The following HELZ variants were observed in gnomAD, a reference collection of about 807,000 sequenced individuals.
The protein encoded by HELZ is ATP-dependent RNA helicase with zinc finger domain.
HELZ carries 23 observed loss-of-function variants against 218.2 expected under a neutral mutation model. That is an observed-to-expected ratio of 0.11 (90% CI 0.08 to 0.15). The LOEUF is 0.15. HELZ is among the 10% of genes least tolerant of loss of function. HELZ has a pLI of 1.00. For missense variants in HELZ, 1,813 were observed against 2,353.7 expected (o/e 0.77, Z 4.75); for synonymous variants, 814 against 829.4 (o/e 0.98, Z 0.32).
intron 17 of HELZ, among the ~76,000 whole-genome samples, chr17:67,155,952 CAT>C (rs1169220055): frequency 6.1e-5 from 9 of 148,604 alleles, no homozygotes; most frequent in Admixed American, 5.4e-4. Flanking sequence ...CATATATACA[CAT>C]ATAATTTTTA....
At position 67,078,491 on chromosome 17, in the gene HELZ, C is replaced by T; in HGVS notation, c.5590G>A (p.Gly1864Ser). 1.3e-6 allele frequency: 2 copies of T among 1,568,522 alleles called. No individual in the cohort carries two copies. Among genetic ancestry groups the T allele is most frequent in the South Asian group, 2.4e-5 (2 of 83,304 alleles). ...SFNYSVLQHL[G>S]QFPPLMPNKQ... ...TTAGGCATAAGGGGTGGAAACTGGC[C>T]AAGATGCTGCAGCACACTGTAGTTG... Residue 1864 changes from glycine to serine, a missense_variant, in exon 33 of 33, where the codon GGC (glycine) becomes AGC (serine). Gly to Ser is a moderately conservative substitution (Grantham distance 56). This residue lies in a region of HELZ where 938 missense variants were observed against 1,027.5 expected (regional missense o/e 0.91). Transcript: ENST00000358691.
intron 31 of HELZ, among the ~76,000 whole-genome samples, chr17:67,092,889 C>T (rs976672916): frequency 1.8e-4 from 19 of 106,686 alleles, no homozygotes; most frequent in African/African-American, 2.2e-4. Context: ...TGCTTGAAAC[C>T]GGCGGGGGGG....
chr17:67,110,673 G>A (rs1467138807), intron 28 of HELZ, among the ~76,000 whole-genome samples: 11 of 152,068 alleles, frequency 7.2e-5, no homozygotes, highest in Non-Finnish European at 1.0e-4. Context: ...TGCCATTTCC[G>A]GCTCACCAGG....
Position 67,121,060 on chromosome 17 carries a change from T to C in HELZ, c.3631-448A>G, listed in dbSNP as rs190118787. Among the ~76,000 whole-genome samples, 19 of 152,282 alleles carry C rather than the reference T, an allele frequency of 1.2e-4. No individual in the cohort carries two copies. The East Asian group carries it at 3.5e-3, about 28-fold the overall frequency. On this transcript the variant is annotated intron_variant, in intron 26 of 32. Coordinates refer to ENST00000358691, the MANE Select transcript of HELZ (RefSeq NM_014877.4). ...AGAACTTAGCCTAAGGAGTCTCAACTCAAAAAACTGGTATTCCAACTTAAT... is the reference window on the plus strand; with the variant it reads ...AGAACTTAGCCTAAGGAGTCTCAACCCAAAAAACTGGTATTCCAACTTAAT...
intron 28 of HELZ, among the ~76,000 whole-genome samples, chr17:67,113,821 T>C (rs2037353227): frequency 6.6e-6 from 1 of 152,202 alleles, no homozygotes; most frequent in South Asian, 2.1e-4. Flanking sequence ...CCATTCAAAT[T>C]AGAAAACAAG....
intron 5 of HELZ, among the ~76,000 whole-genome samples, chr17:67,207,075 G>C (rs1197038512): frequency 6.6e-6 from 1 of 150,376 alleles, no homozygotes; most frequent in Non-Finnish European, 1.5e-5. Context: ...ACCACCCATG[G>C]TTAATTTTGT....
Position 67,211,355 on chromosome 17 carries a change from G to A in HELZ, c.247+4544C>T, listed in dbSNP as rs374329471. The stretch of plus-strand genomic sequence containing the variant: ...ATTCTATTATGCTAATAATAATATT[G>A]TGGTTATGCAGTCTTGATCTTATTT... On this transcript the variant is annotated intron_variant, in intron 5 of 32. Transcript: ENST00000358691. Among the ~76,000 whole-genome samples the A allele has an allele frequency of 2.4e-4, 36 of 152,228 alleles. No homozygotes were observed. In the South Asian group the frequency reaches 7.5e-3, roughly 32 times the overall value.
intron 13 of HELZ, among the ~76,000 whole-genome samples, 165 bp from the exon 14 acceptor site, chr17:67,167,961 G>T (rs567583162): frequency 6.6e-6 from 1 of 151,464 alleles, no homozygotes; most frequent in South Asian, 2.1e-4. Context: ...TTTAATACAA[G>T]CTGGAAACAA....
chr17:67,143,750 C>T lies in HELZ; in HGVS notation c.2769+1993G>A, dbSNP rs113081154. On this transcript the variant is annotated intron_variant, in intron 21 of 32. Transcript: ENST00000358691. ...ATCAAGAAAAAAAAGAATGATCTTT[C>T]TCAGTCTCCTTCTACAATTTTAAGC... Among the ~76,000 whole-genome samples, 343 of 152,092 alleles carry T rather than the reference C, an allele frequency of 2.3e-3. 1 individual carries two copies. The highest frequency in any genetic ancestry group is 3.9e-3 in the Non-Finnish European group (264 of 67,974).
At chr17:67,138,985 A>G (rs2038237136) in intron 21 of HELZ, among the ~76,000 whole-genome samples, 1 of 152,186 alleles carries the variant, frequency 6.6e-6, no homozygotes, top group Non-Finnish European at 1.5e-5. Context: ...ATATAAGGCA[A>G]GCACAAATAG....
intron 3 of HELZ, among the ~76,000 whole-genome samples, chr17:67,225,786 C>T (rs141349673): frequency 6.6e-6 from 1 of 152,128 alleles, no homozygotes; most frequent in Non-Finnish European, 1.5e-5. Flanking sequence ...AAAACAGAAA[C>T]TTGTTCTAAA....
At chr17:67,208,233 A>T (rs9904316) in intron 5 of HELZ, among the ~76,000 whole-genome samples, 5,931 of 152,216 alleles carry the variant, frequency 0.039, 399 homozygotes, top group African/African-American at 0.13. Flanking sequence ...AGAAACAACA[A>T]AAAAAGAAGT....
In HELZ at chr17:67,160,298, A is replaced by C. The variant is rs2038960058; in HGVS notation, c.2140T>G (p.Tyr714Asp). The C allele has an allele frequency of 6.2e-7, 1 of 1,612,360 alleles. No homozygotes were observed. Among genetic ancestry groups the C allele is most frequent in the African/African-American group, 1.3e-5 (1 of 74,894 alleles). ...GCCTGGGGATTGCCTGCTTCTACATATGGATGTAAATAATCCTTTATGTAG... is the reference window on the plus strand; with the variant it reads ...GCCTGGGGATTGCCTGCTTCTACATCTGGATGTAAATAATCCTTTATGTAG... ...DLYIKDYLHPYVEAGNPQARP... is the reference protein window; with the variant it reads ...DLYIKDYLHPDVEAGNPQARP... The change falls in exon 17 of 33, where the codon TAT becomes GAT. Residue 714 changes from tyrosine (Y) to aspartate (D), a missense_variant. Transcript: ENST00000358691.
intron 12 of HELZ, among the ~76,000 whole-genome samples, chr17:67,186,015 G>A (rs1271893280): frequency 6.6e-6 from 1 of 152,054 alleles, no homozygotes; most frequent in African/African-American, 2.4e-5. Context: ...AATCATCTTG[G>A]AAAACTACGC....
intron 7 of HELZ, among the ~76,000 whole-genome samples, chr17:67,198,364 G>C (rs911824265): frequency 2.6e-5 from 4 of 152,186 alleles, no homozygotes; most frequent in Admixed American, 2.0e-4. Context: ...GGGATCTGGG[G>C]AGCAGCACAT....
rs916132718 is a variant in HELZ at position 67,070,797 on chromosome 17, G to C, written c.*7455C>G. On this transcript the variant is annotated 3_prime_UTR_variant, in exon 33 of 33. Transcript: ENST00000358691. ...AAAGAAAAAAAATTGTTATAATTTT[G>C]CCATAAGTTATGCCTATTTAGATGG... 1.1e-4 allele frequency: 16 copies of C among 152,148 alleles called. No individual in the cohort carries two copies. Among genetic ancestry groups the C allele is most frequent in the Middle Eastern group, 3.4e-3 (1 of 292 alleles). The allele number at this position is 152,148 out of a possible 1,614,324, so 9.4% of individuals were successfully genotyped here.
Position 67,134,977 on chromosome 17 carries a change from CT to C in HELZ, c.3182+992del, listed in dbSNP as rs766283800. On this transcript the variant is annotated intron_variant, in intron 23 of 32. Coordinates refer to ENST00000358691, the MANE Select transcript of HELZ (RefSeq NM_014877.4). Reference sequence around the variant, plus strand: ...AATATTATAAATAACTGTTCGACTGCTTTTTTTTTTTTTAATGCTAGCACAG... The same window carrying C: ...AATATTATAAATAACTGTTCGACTGCTTTTTTTTTTTTAATGCTAGCACAG... Among the ~76,000 whole-genome samples the C allele has an allele frequency of 5.2e-3, 728 of 140,364 alleles. 1 individual carries two copies. Among genetic ancestry groups the C allele is most frequent in the African/African-American group, 6.1e-3 (236 of 38,516 alleles). The allele number at this position is 140,364 out of a possible 152,430, so 92.1% of individuals were successfully genotyped here. A position where few individuals can be genotyped will look rare whatever the true frequency, so the allele number is the denominator to read the frequency against.
chr17:67,231,211 GGATTCTGGATA>G (rs772933921), intron 3 of HELZ, among the ~76,000 whole-genome samples: 2 of 152,182 alleles, frequency 1.3e-5, no homozygotes, highest in Non-Finnish European at 2.9e-5. Context: ...ATTCATTGCA[GGATTCTGGATA>G]GATTCTGGAA....
chr17:67,135,712 T>G (rs948144720), intron 23 of HELZ, among the ~76,000 whole-genome samples: 8 of 152,246 alleles, frequency 5.3e-5, no homozygotes, highest in African/African-American at 1.9e-4. Flanking sequence ...TGTTCACTCA[T>G]GTATCTTCAG....
Sources: allele counts gnomAD v4.1 joint callset (sites outside exome capture counted in the v4.1 genomes callset), GRCh38; gene constraint gnomAD v4.1.1; regional missense constraint gnomAD v4.1.1; transcripts MANE v1.5; gene names NCBI Gene and HGNC (gene_info 2026-07-23, HGNC 2026-07-21).